Variants in GRB7 observed in about 807,000 individuals in gnomAD.
GRB7 encodes growth factor receptor bound protein 7.
In GRB7, 47 loss-of-function variants were observed where a neutral mutation model predicts 64.1. The observed-to-expected ratio is 0.73, with a 90% CI of 0.58 to 0.94. The LOEUF (loss-of-function observed/expected upper bound fraction) is 0.94. Among genes scored for constraint, GRB7 ranks in the 40% least tolerant of loss-of-function variants. The pLI is 0.00. For synonymous variants in GRB7, 277 were observed against 279.9 expected, an observed-to-expected ratio of 0.99 and a Z score of 0.10; for missense variants, 634 against 718.4, an observed-to-expected ratio of 0.88 and a Z score of 1.34.
chr17:39,746,636 AAAAG>A (rs1161222896), intron 14 of GRB7, 111 bp from the exon 15 acceptor site: 1 of 386,860 alleles, frequency 2.6e-6, no homozygotes, highest in African/African-American at 2.4e-5. Context: ...AAAAGAAAGA[AAAAG>A]AAAAAGAAAA....
In GRB7 at chr17:39,745,276, G is replaced by C; in HGVS notation, c.1045G>C (p.Ala349Pro). 1 of 1,612,244 alleles carries C rather than the reference G, an allele frequency of 6.2e-7. No homozygotes were observed. The highest frequency in any genetic ancestry group is 8.5e-7 in the Non-Finnish European group (1 of 1,178,936). The change falls in exon 10 of 15, where the codon GCA becomes CCA. Residue 349 changes from alanine (A) to proline (P), a missense_variant. Coordinates refer to ENST00000309156, the MANE Select transcript of GRB7 (RefSeq NM_005310.5). ...GCAGCTGTACAAGAATTACCAGCAG[G>C]CACAGTCTCGCCATCTGCATCCATC... Reference protein sequence around the residue: ...GVQLYKNYQQAQSRHLHPSCL... With the variant: ...GVQLYKNYQQPQSRHLHPSCL...
Position 39,744,622 on chromosome 17 carries a change from A to C in GRB7, c.871A>C (p.Lys291Gln). 1.2e-6 allele frequency: 2 copies of C among 1,611,432 alleles called. No homozygotes were observed. The highest frequency in any genetic ancestry group is 1.7e-6 in the Non-Finnish European group (2 of 1,178,782). The change falls in exon 8 of 15, where the codon AAG becomes CAG. Residue 291 changes from lysine (K) to glutamine (Q), a missense_variant. Lys to Gln is a moderately conservative substitution (Grantham distance 53). Around this residue, in one of 2 missense-constraint regions of GRB7, gnomAD observed 467 missense variants for 576.6 expected, o/e 0.81. Coordinates refer to ENST00000309156, the MANE Select transcript of GRB7 (RefSeq NM_005310.5). Reference sequence around the variant, plus strand: ...CGTGTACGTGGTGACGCAGGGCCGCAAGCTCTACGGGATGCCCACTGACTT... The same window carrying C: ...CGTGTACGTGGTGACGCAGGGCCGCCAGCTCTACGGGATGCCCACTGACTT... Reference protein sequence around the residue: ...SNVYVVTQGRKLYGMPTDFGF... With the variant: ...SNVYVVTQGRQLYGMPTDFGF...
chr17:39,744,211 A>G lies in GRB7; in HGVS notation c.801+4A>G. 6.2e-7 allele frequency: 1 copy of G among 1,613,618 alleles called. No homozygotes were observed. Among genetic ancestry groups the G allele is most frequent in the Non-Finnish European group, 8.5e-7 (1 of 1,179,948 alleles). ...CTCCACCAAGGGCACCTCTAAGGTAAGGTCTTGAGGGTACCAGCCCCAGCC... is the reference window on the plus strand; with the variant it reads ...CTCCACCAAGGGCACCTCTAAGGTAGGGTCTTGAGGGTACCAGCCCCAGCC... On this transcript the variant is annotated splice_donor_region_variant and intron_variant, in intron 7 of 14. Coordinates refer to ENST00000309156, the MANE Select transcript of GRB7 (RefSeq NM_005310.5).
intron 14 of GRB7, 23 bp from the exon 15 acceptor site, chr17:39,746,728 C>G: frequency 5.0e-6 from 8 of 1,610,786 alleles, no homozygotes; most frequent in Non-Finnish European, 6.8e-6. Flanking sequence ...CCCTGAACTT[C>G]CACCCCCTTT....
chr17:39,744,718 C>T (rs2060028479), intron 8 of GRB7, 55 bp downstream of exon 8: 3 of 1,467,730 alleles, frequency 2.0e-6, no homozygotes, highest in Admixed American at 3.9e-5. Flanking sequence ...ACTGCTCAGG[C>T]CCCTGGATCC....
intron 9 of GRB7, 61 bp from the exon 10 acceptor site, chr17:39,745,182 C>A: frequency 1.4e-6 from 2 of 1,393,568 alleles, no homozygotes; most frequent in East Asian, 2.3e-5. Flanking sequence ...CTGAGGGGGG[C>A]GTCACAGCCA....
chr17:39,744,638 C>T lies in GRB7; in HGVS notation c.887C>T (p.Pro296Leu), dbSNP rs149247414. ...CAGGGCCGCAAGCTCTACGGGATGC[C>T]CACTGACTTCGGTTTCTGTGTCAAG... ...VTQGRKLYGM[P>L]TDFGFCVKPN... is the part of the protein sequence containing the mutation. The change falls in exon 8 of 15, where the codon CCC (proline) becomes CTC (leucine). Residue 296 changes from proline (P) to leucine (L), a missense_variant. Physicochemically the swap from Pro to Leu is moderately conservative, Grantham distance 98. This residue lies in a region of GRB7 where 467 missense variants were observed against 576.6 expected (regional missense o/e 0.81). Transcript: ENST00000309156. 3.1e-6 allele frequency: 5 copies of T among 1,608,392 alleles called. No homozygotes were observed. The South Asian group carries it at 5.6e-5, about 18-fold the overall frequency.
In GRB7 at chr17:39,744,631, G is replaced by C. The variant is rs771236743; in HGVS notation, c.880G>C (p.Gly294Arg). Residue 294 changes from glycine to arginine, a missense_variant, in exon 8 of 15, where the codon GGG (glycine) becomes CGG (arginine). Transcript: ENST00000309156. ...YVVTQGRKLY[G>R]MPTDFGFCVK... ...GGTGACGCAGGGCCGCAAGCTCTACGGGATGCCCACTGACTTCGGTTTCTG... is the reference window on the plus strand; with the variant it reads ...GGTGACGCAGGGCCGCAAGCTCTACCGGATGCCCACTGACTTCGGTTTCTG... 6.2e-6 allele frequency: 10 copies of C among 1,610,294 alleles called. No individual in the cohort carries two copies. The highest frequency in any genetic ancestry group is 8.5e-6 in the Non-Finnish European group (10 of 1,178,290).
rs748929316 is a variant in GRB7, at chr17:39,742,906, G to C, written c.315G>C (p.Lys105Asn). The C allele has an allele frequency of 1.3e-6, 2 of 1,596,848 alleles. No homozygotes were observed. Among genetic ancestry groups the C allele is most frequent in the Non-Finnish European group, 1.7e-6 (2 of 1,170,806 alleles). Residue 105 changes from lysine (K) to asparagine (N), a missense_variant, in exon 4 of 15, where the codon AAG becomes AAC. Physicochemically the swap from Lys to Asn is moderately conservative, Grantham distance 94. This residue lies in a region of GRB7 where 167 missense variants were observed against 141.9 expected (regional missense o/e 1.18). Coordinates refer to ENST00000309156, the MANE Select transcript of GRB7 (RefSeq NM_005310.5). The part of the protein sequence containing the change: ...PRDASRPHVV[K>N]VYSEDGACRS... ...CAATTCCTGGGGCGCAGGTAGTAAA[G>C]GTGTACAGTGAGGATGGGGCCTGCA...
At chr17:39,743,535 C>T in intron 6 of GRB7, 65 bp downstream of exon 6, 4 of 1,288,566 alleles carry the variant, frequency 3.1e-6, no homozygotes, top group African/African-American at 1.5e-5. Flanking sequence ...GCTTCTCCAC[C>T]CTTAAGTCCT....
In GRB7 at chr17:39,744,932, G is replaced by C. The variant is rs201592849; in HGVS notation, c.959G>C (p.Ser320Thr). 1.6e-5 allele frequency: 26 copies of C among 1,614,104 alleles called. No individual in the cohort carries two copies. The highest frequency in any genetic ancestry group is 9.3e-6 in the Non-Finnish European group (11 of 1,179,970). ...CACAAGGGGCTTCGGATCTTCTGCA[G>C]TGAAGATGAGCAGAGCCGCACCTGC... is the stretch of plus-strand genomic sequence containing the variant. ...NGHKGLRIFC[S>T]EDEQSRTCWL... The change falls in exon 9 of 15, where the codon AGT (serine) becomes ACT (threonine). Residue 320 changes from serine to threonine, a missense_variant. Physicochemically the swap from Ser to Thr is moderately conservative, Grantham distance 58. This residue lies in a region of GRB7 where 467 missense variants were observed against 576.6 expected (regional missense o/e 0.81). Transcript: ENST00000309156.
chr17:39,741,558 G>A (rs929168038), intron 1 of GRB7, among the ~76,000 whole-genome samples: 10 of 152,248 alleles, frequency 6.6e-5, no homozygotes, highest in African/African-American at 2.4e-4. Flanking sequence ...AAAACCCGGG[G>A]CACAGCCCAG....
chr17:39,745,870 G>T, intron 12 of GRB7, 43 bp from the exon 13 acceptor site: 1 of 1,611,700 alleles, frequency 6.2e-7, no homozygotes, highest in Non-Finnish European at 8.5e-7. Flanking sequence ...TGGTATAGGG[G>T]TCCCCTCCCC....
At chr17:39,743,550 C>A in intron 6 of GRB7, 80 bp downstream of exon 6, 1 of 1,126,890 alleles carries the variant, frequency 8.9e-7, no homozygotes, top group Non-Finnish European at 1.4e-6. Context: ...AGTCCTGTGC[C>A]TCCCCTCTAT....
intron 1 of GRB7, chr17:39,740,287 C>A: frequency 2.4e-6 from 1 of 422,014 alleles, no homozygotes; most frequent in Non-Finnish European, 3.2e-6. Context: ...GGACCCTGAG[C>A]CCCCTCCCTG....
At position 39,745,083 on chromosome 17, in the gene GRB7, G is replaced by C. The variant is rs114625516; in HGVS notation, c.1011+99G>C. On this transcript the variant is annotated intron_variant, in intron 9 of 14. Coordinates refer to ENST00000309156, the MANE Select transcript of GRB7 (RefSeq NM_005310.5). The stretch of plus-strand genomic sequence containing the variant: ...GGAATGAGGAGGGCATCACAGCCTT[G>C]CTCTCTGATAACCCCCAGTCCAAGC... 475 of 1,143,184 alleles carry C rather than the reference G, an allele frequency of 4.2e-4. 5 individuals carry two copies. The African/African-American group carries it at 6.4e-3, about 15-fold the overall frequency. 70.8% of individuals were successfully genotyped at this position (1,143,184 alleles called of 1,614,324 possible). A position where few individuals can be genotyped will look rare whatever the true frequency, so the allele number is the denominator to read the frequency against.
At position 39,744,899 on chromosome 17, in the gene GRB7, G is replaced by A. The variant is rs775505554; in HGVS notation, c.926G>A (p.Arg309Gln). Residue 309 changes from arginine to glutamine, a missense_variant, in exon 9 of 15, where the codon CGA becomes CAA. This residue lies in a region of GRB7 where 467 missense variants were observed against 576.6 expected (regional missense o/e 0.81). Coordinates refer to ENST00000309156, the MANE Select transcript of GRB7 (RefSeq NM_005310.5). ...CTCTCTCTGCAGCCCAACAAGCTTC[G>A]AAATGGCCACAAGGGGCTTCGGATC... The part of the protein sequence containing the change: ...FGFCVKPNKL[R>Q]NGHKGLRIFC... 11 of 1,614,042 alleles carry A rather than the reference G, an allele frequency of 6.8e-6. No homozygotes were observed. The highest frequency in any genetic ancestry group is 1.1e-5 in the South Asian group (1 of 91,080).
intron 7 of GRB7, 29 bp from the exon 8 acceptor site, chr17:39,744,524 A>T: frequency 6.4e-7 from 1 of 1,560,272 alleles, no homozygotes; most frequent in Non-Finnish European, 8.7e-7. Context: ...ATCTACCTGT[A>T]CCAAGTCCTG....
At position 39,742,679 on chromosome 17, in the gene GRB7, C is replaced by T. The variant is rs200467116; in HGVS notation, c.269C>T (p.Ala90Val). 1.8e-4 allele frequency: 280 copies of T among 1,591,964 alleles called. No individual in the cohort carries two copies. Among genetic ancestry groups the T allele is most frequent in the Non-Finnish European group, 2.4e-4 (277 of 1,168,898 alleles). ...QSPILGGPSS[A>V]RGLLPRDASR... ...CCAATTCTCGGGGGCCCCTCCAGTG[C>T]AAGGGGGCTGCTCCCCCGCGATGCC... is the stretch of plus-strand genomic sequence containing the variant. Residue 90 changes from alanine (A) to valine (V), a missense_variant, in exon 3 of 15, where the codon GCA (alanine) becomes GTA (valine). Coordinates refer to ENST00000309156, the MANE Select transcript of GRB7 (RefSeq NM_005310.5).
Sources: gnomAD v4.1 joint callset for allele counts (sites outside exome capture counted in the v4.1 genomes callset) on GRCh38, gnomAD v4.1.1 for gene constraint, gnomAD v4.1.1 regional missense constraint, MANE v1.5 for transcripts, NCBI Gene and HGNC (gene_info 2026-07-23, HGNC 2026-07-21) for gene names.